Variants in SLAIN1 observed in about 807,000 individuals in gnomAD.
SLAIN1 encodes SLAIN motif-containing protein 1.
SLAIN1 carries 17 observed loss-of-function variants against 55.4 expected under a neutral mutation model. The ratio of observed to expected loss-of-function variants is 0.31; its 90% CI spans 0.21 to 0.46. SLAIN1 has a LOEUF of 0.46. Ranked by LOEUF, SLAIN1 falls within the 20% of genes least tolerant of loss-of-function variation. SLAIN1 has a pLI of 1.00. For missense variants in SLAIN1, 682 were observed against 785.1 expected, an observed-to-expected ratio of 0.87 and a Z score of 1.57; for synonymous variants, 348 against 337.4, an observed-to-expected ratio of 1.03 and a Z score of -0.35.
At chr13:77,726,941 G>A (rs528127564) in intron 2 of SLAIN1, among the ~76,000 whole-genome samples, 1 of 152,234 alleles carries the variant, frequency 6.6e-6, no homozygotes, top group African/African-American at 2.4e-5. Context: ...CAAATATTAG[G>A]TGTCTCCCCC....
chr13:77,742,610 T>A (rs1438509694), intron 2 of SLAIN1: 1 of 152,130 alleles, frequency 6.6e-6, no homozygotes, highest in Non-Finnish European at 1.5e-5. Flanking sequence ...TAAGAACATT[T>A]CCCTTAATTC....
intron 5 of SLAIN1, among the ~76,000 whole-genome samples, chr13:77,757,435 T>C (rs949776238): frequency 2.6e-5 from 4 of 152,084 alleles, no homozygotes; most frequent in Non-Finnish European, 5.9e-5. Flanking sequence ...AACATTTCTT[T>C]TTTTTTTTCT....
chr13:77,703,353 C>G (rs995324951), intron 1 of SLAIN1, among the ~76,000 whole-genome samples: 2 of 152,124 alleles, frequency 1.3e-5, no homozygotes, highest in Non-Finnish European at 2.9e-5. Context: ...CTGTTGAACA[C>G]CTTGTGCTAT....
intron 6 of SLAIN1, among the ~76,000 whole-genome samples, chr13:77,762,634 A>T (rs1875129456): frequency 6.6e-6 from 1 of 152,126 alleles, no homozygotes; most frequent in African/African-American, 2.4e-5. Flanking sequence ...TCCTGGCCTC[A>T]AGTTTTCCTC....
At chr13:77,726,271 C>T (rs986651242) in intron 2 of SLAIN1, among the ~76,000 whole-genome samples, 6 of 152,150 alleles carry the variant, frequency 3.9e-5, no homozygotes, top group South Asian at 2.1e-4. Flanking sequence ...CTAAAAAATA[C>T]GTTGTCTTCA....
chr13:77,763,137 C>A lies in SLAIN1; in HGVS notation c.1698-8C>A. ...ATCTCTCTCTCTGTTTTTCTTGTCT[C>A]TTTTTAGTTTTCTTCAGCCTCCAAA... On this transcript the variant is annotated splice_region_variant and splice_polypyrimidine_tract_variant and intron_variant, in intron 6 of 6. Transcript: ENST00000418532. 1 of 1,612,346 alleles carries A rather than the reference C, an allele frequency of 6.2e-7. No homozygotes were observed.
intron 4 of SLAIN1, among the ~76,000 whole-genome samples, chr13:77,749,321 A>T (rs978485762): frequency 6.6e-6 from 1 of 152,304 alleles, no homozygotes; most frequent in Non-Finnish European, 1.5e-5. Flanking sequence ...AAGAAGCATA[A>T]CTGGAATAAC....
In SLAIN1 at chr13:77,753,615, T is replaced by C. The variant is rs79655895; in HGVS notation, c.1414+257T>C. Among the ~76,000 whole-genome samples the C allele has an allele frequency of 5.3e-4, 81 of 152,254 alleles. 1 individual carries two copies. In the East Asian group the frequency reaches 9.3e-3, roughly 17 times the overall value. ...TACTTACCAGTGCCTGTGGTATCAA[T>C]TAATAATAGTAAATTGTTATTTGTA... On this transcript the variant is annotated intron_variant, in intron 5 of 6. Transcript: ENST00000418532.
chr13:77,708,099 A>G (rs1428744824), intron 1 of SLAIN1, among the ~76,000 whole-genome samples: 2 of 152,234 alleles, frequency 1.3e-5, no homozygotes, highest in Non-Finnish European at 2.9e-5. Flanking sequence ...AGAAATCTCC[A>G]TAAGTGAACA....
Position 77,697,929 on chromosome 13 carries a change from G to A in SLAIN1, c.16G>A (p.Val6Met). Residue 6 changes from valine to methionine, a missense_variant, in exon 1 of 7, where the codon GTG becomes ATG. Transcript: ENST00000418532. Reference sequence around the variant, plus strand: ...GGGGCCCACGATGATGGCGGAGCAGGTGAAATGCGCCTCGGCAGGGGTCAG... The same window carrying A: ...GGGGCCCACGATGATGGCGGAGCAGATGAAATGCGCCTCGGCAGGGGTCAG... MMAEQ[V>M]KCASAGVSSG... 3 of 1,421,588 alleles carry A rather than the reference G, an allele frequency of 2.1e-6. No homozygotes were observed. Among genetic ancestry groups the A allele is most frequent in the Non-Finnish European group, 1.9e-6 (2 of 1,078,732 alleles). 88.1% of individuals were successfully genotyped at this position (1,421,588 alleles called of 1,614,324 possible).
chr13:77,706,530 A>G (rs1397740264), intron 1 of SLAIN1, among the ~76,000 whole-genome samples: 1 of 152,144 alleles, frequency 6.6e-6, no homozygotes, highest in Non-Finnish European at 1.5e-5. Flanking sequence ...TTGTAGTGCT[A>G]TCCCCTCTGA....
At chr13:77,742,418 C>G (rs142032842) in intron 2 of SLAIN1, among the ~76,000 whole-genome samples, 2,127 of 151,976 alleles carry the variant, frequency 0.014, 21 homozygotes, top group Non-Finnish European at 0.023. Flanking sequence ...ATAGACACCC[C>G]TCTGTTACTC....
intron 6 of SLAIN1, among the ~76,000 whole-genome samples, chr13:77,761,726 A>G (rs1470072933): frequency 6.6e-6 from 1 of 152,152 alleles, no homozygotes; most frequent in Non-Finnish European, 1.5e-5. Context: ...TGGTCCAGGT[A>G]GTAATTTTTT....
chr13:77,703,918 T>TAAA (rs1382161962), intron 1 of SLAIN1, among the ~76,000 whole-genome samples: 4 of 125,924 alleles, frequency 3.2e-5, no homozygotes, highest in Non-Finnish European at 5.1e-5. Flanking sequence ...CACACACATA[T>TAAA]ATATTTTTAT....
chr13:77,749,824 A>G (rs1874084500), intron 4 of SLAIN1, among the ~76,000 whole-genome samples: 1 of 152,158 alleles, frequency 6.6e-6, no homozygotes, highest in Non-Finnish European at 1.5e-5. Flanking sequence ...TGTCCTAAAT[A>G]TTTACACTTG....
chr13:77,753,376 A>G lies in SLAIN1; in HGVS notation c.1414+18A>G, dbSNP rs1566247344. The G allele has an allele frequency of 1.6e-6, 2 of 1,237,674 alleles. No homozygotes were observed. Among genetic ancestry groups the G allele is most frequent in the East Asian group, 5.8e-5 (2 of 34,210 alleles). The allele number at this position is 1,237,674 out of a possible 1,614,324, so 76.7% of individuals were successfully genotyped here. A position where few individuals can be genotyped will look rare whatever the true frequency, so the allele number is the denominator to read the frequency against. Reference sequence around the variant, plus strand: ...ATCTTGTAGTGAGTATAATTATTTGATATAATTATATATTGTATAATTGTA... The same window carrying G: ...ATCTTGTAGTGAGTATAATTATTTGGTATAATTATATATTGTATAATTGTA... On this transcript the variant is annotated intron_variant, in intron 5 of 6. Coordinates refer to ENST00000418532, the MANE Select transcript of SLAIN1 (RefSeq NM_001242868.2).
chr13:77,712,153 TG>T (rs2091158231), intron 1 of SLAIN1, among the ~76,000 whole-genome samples: 2 of 152,186 alleles, frequency 1.3e-5, no homozygotes, highest in Admixed American at 1.3e-4. Flanking sequence ...TTTTGAAAAC[TG>T]GCACAAGACA....
chr13:77,753,757 C>G (rs1017080626), intron 5 of SLAIN1, among the ~76,000 whole-genome samples: 1 of 152,194 alleles, frequency 6.6e-6, no homozygotes, highest in East Asian at 1.9e-4. Context: ...CCTCCTCCTT[C>G]TAGCTGTCTA....
At chr13:77,709,490 AAAGTT>A (rs1414309037) in intron 1 of SLAIN1, among the ~76,000 whole-genome samples, 2 of 152,224 alleles carry the variant, frequency 1.3e-5, no homozygotes, top group African/African-American at 4.8e-5. Context: ...TGAAGGGAAT[AAAGTT>A]AAGAGCAGCC....
Sources: gnomAD v4.1 joint callset for allele counts (sites outside exome capture counted in the v4.1 genomes callset) on GRCh38, gnomAD v4.1.1 for gene constraint, MANE v1.5 for transcripts, NCBI Gene and HGNC (gene_info 2026-07-23, HGNC 2026-07-21) for gene names.